The following MED12 variants were observed in gnomAD, a reference collection of about 807,000 sequenced individuals.
MED12 encodes the protein mediator of RNA polymerase II transcription subunit 12.
MED12 carries 10 observed loss-of-function variants against 177.7 expected under a neutral mutation model. The ratio of observed to expected loss-of-function variants is 0.06; its 90% confidence interval spans 0.03 to 0.10. The LOEUF is 0.10. Ranked by LOEUF, MED12 falls within the 10% of genes least tolerant of loss-of-function variation. The pLI is 1.00. For missense variants in MED12, 867 were observed against 1,780.8 expected, an observed-to-expected ratio of 0.49 and a Z score of 9.23; for synonymous variants, 641 against 678.4, an observed-to-expected ratio of 0.94 and a Z score of 0.86.
At chrX:71,141,814 G>C in intron 43 of MED12, 69 bp from the exon 44 acceptor site, 8 of 910,808 alleles carry the variant, frequency 8.8e-6, no homozygotes, top group Non-Finnish European at 1.3e-5. Context: ...AAAAAAAAAC[G>C]GATTGGGAAA....
In MED12 at chrX:71,131,629, G is replaced by A; in HGVS notation, c.4119+8G>A. The A allele has an allele frequency of 8.3e-7, 1 of 1,208,411 alleles. No individual in the cohort carries two copies. Among genetic ancestry groups the A allele is most frequent in the Non-Finnish European group, 1.1e-6 (1 of 892,597 alleles). ...AAGCAGACCCCTAACAATGTGAGTAGTGCCTGGACCCTCCCTTTCCTGTGC... is the reference window on the plus strand; with the variant it reads ...AAGCAGACCCCTAACAATGTGAGTAATGCCTGGACCCTCCCTTTCCTGTGC... On this transcript the variant is annotated splice_region_variant and intron_variant, in intron 29 of 44. Coordinates refer to ENST00000374080, the MANE Select transcript of MED12 (RefSeq NM_005120.3).
At chrX:71,119,340 A>T in intron 1 of MED12, 33 bp from the exon 2 acceptor site, 1 of 1,103,742 alleles carries the variant, frequency 9.1e-7, no homozygotes, top group Non-Finnish European at 1.2e-6. Flanking sequence ...TCCCCTAAGG[A>T]AAAAACAACT....
chrX:71,131,191 C>T (rs774172486), intron 28 of MED12, among the ~76,000 whole-genome samples: 8 of 95,152 alleles, frequency 8.4e-5, no homozygotes, highest in African/African-American at 2.9e-4. Flanking sequence ...TACAGTGGTG[C>T]GATCTCGGCT....
At position 71,137,659 on chromosome X, in the gene MED12, T is replaced by A. The variant is rs749802794; in HGVS notation, c.5826+24T>A. The A allele has an allele frequency of 1.1e-5, 13 of 1,202,336 alleles. No individual in the cohort carries two copies. The East Asian group carries it at 3.9e-4, about 36-fold the overall frequency. Reference sequence around the variant, plus strand: ...AGGTAAGAGCCTGGGATTGTGAGACTAGGGGGATGAGGCAAGCTGCTCTGC... The same window carrying A: ...AGGTAAGAGCCTGGGATTGTGAGACAAGGGGGATGAGGCAAGCTGCTCTGC... On this transcript the variant is annotated intron_variant, in intron 40 of 44. Transcript: ENST00000374080.
At position 71,121,642 on chromosome X, in the gene MED12, G is replaced by A. The variant is rs957824537; in HGVS notation, c.927G>A (p.Leu309=). 6 of 1,209,744 alleles carry A rather than the reference G, an allele frequency of 5.0e-6. No individual in the cohort carries two copies. In the African/African-American group the frequency reaches 8.8e-5, roughly 18 times the overall value. Residue 309 remains leucine (L), a synonymous_variant, in exon 7 of 45, where the codon CTG becomes CTA. Transcript: ENST00000374080. ...GTACACGGAGACTGGCCCTGCAGCT[G>A]GATGGTGTGAGCAGTCACTCATCTC... ...YFCTRRLALQ[L]DGVSSHSSHV...
At chrX:71,133,967 C>T (rs907246841) in intron 33 of MED12, among the ~76,000 whole-genome samples, 8 of 110,826 alleles carry the variant, frequency 7.2e-5, no homozygotes, top group Non-Finnish European at 1.5e-4. Context: ...CGGTGGCTCA[C>T]GCCTGTAATC....
intron 4 of MED12, 70 bp from the exon 5 acceptor site, chrX:71,120,901 C>T: frequency 1.7e-6 from 2 of 1,173,600 alleles, no homozygotes; most frequent in Non-Finnish European, 2.3e-6. Flanking sequence ...AGCCACCGCA[C>T]CCAGCCAGTA....
chrX:71,141,801 C>CAA (rs371432455), intron 43 of MED12, 82 bp from the exon 44 acceptor site: 8,633 of 759,580 alleles, frequency 0.011, no homozygotes, highest in Non-Finnish European at 0.014. Context: ...GACTCCATCT[C>CAA]AAAAAAAAAA....
chrX:71,135,276 G>A (rs1187378153), intron 36 of MED12, 23 bp downstream of exon 36: 1 of 1,211,425 alleles, frequency 8.3e-7, no homozygotes, highest in Non-Finnish European at 1.1e-6. Context: ...GTCTGCCCGT[G>A]TCCCTTGCCT....
At chrX:71,126,720 T>C (rs777718513) in intron 19 of MED12, among the ~76,000 whole-genome samples, 1 of 112,219 alleles carries the variant, frequency 8.9e-6, no homozygotes, top group East Asian at 2.8e-4. Flanking sequence ...ATCCTCCCAC[T>C]GTGGAGTTCA....
At chrX:71,124,670 G>T in intron 13 of MED12, 94 bp from the exon 14 acceptor site, 2 of 694,411 alleles carry the variant, frequency 2.9e-6, no homozygotes. Context: ...TCCCCAATCT[G>T]GTCTTCTCTC....
rs1166362416 is a variant in MED12, at chrX:71,140,724, C to T, written c.6134C>T (p.Thr2045Ile). 1 of 1,209,445 alleles carries T rather than the reference C, an allele frequency of 8.3e-7. No individual in the cohort carries two copies. Among genetic ancestry groups the T allele is most frequent in the South Asian group, 1.8e-5 (1 of 56,886 alleles). The stretch of plus-strand genomic sequence containing the variant: ...GGCGTCCAGGCAGGCGTCCGTTCAA[C>T]AGCCATCCTACCTGAGCAGCAGCAG... ...AQGVQAGVRS[T>I]AILPEQQQQQ... Residue 2045 changes from threonine (T) to isoleucine (I), a missense_variant, in exon 42 of 45, where the codon ACA becomes ATA. Physicochemically the swap from Thr to Ile is moderately conservative, Grantham distance 89. Around this residue, in one of 14 missense-constraint regions of MED12, gnomAD observed 236 missense variants for 345.2 expected, o/e 0.68. Transcript: ENST00000374080.
intron 33 of MED12, 67 bp downstream of exon 33, chrX:71,133,279 A>G (rs1358589106): frequency 1.3e-6 from 1 of 765,915 alleles, no homozygotes; most frequent in East Asian, 3.2e-5. Context: ...CAAAAGCCTC[A>G]GGTTGGGGAG....
chrX:71,138,492 A>G (rs1024637165), intron 41 of MED12, among the ~76,000 whole-genome samples: 6 of 110,004 alleles, frequency 5.5e-5, no homozygotes, highest in Admixed American at 9.7e-5. Context: ...ACGCCCAGCT[A>G]ATTTTTTGGA....
chrX:71,141,093 G>C, intron 42 of MED12, 137 bp from the exon 43 acceptor site: 2 of 1,103,360 alleles, frequency 1.8e-6, no homozygotes, highest in Non-Finnish European at 2.4e-6. Flanking sequence ...GTTTCTTTCT[G>C]TGCAGCTGTC....
chrX:71,124,235 T>A lies in MED12; in HGVS notation c.1821T>A (p.Asp607Glu), dbSNP rs375897167. The part of the protein sequence containing the change: ...VLLFCELIRH[D>E]VFSHNMYTCT... Reference sequence around the variant, plus strand: ...TGTTCTGTGAACTGATTCGACATGATGTTTTCTCCCACAACATGTATACTT... The same window carrying A: ...TGTTCTGTGAACTGATTCGACATGAAGTTTTCTCCCACAACATGTATACTT... The change falls in exon 13 of 45, where the codon GAT becomes GAA. Residue 607 changes from aspartate (D) to glutamate (E), a missense_variant. By Grantham distance (45) the Asp-to-Glu change is conservative. This residue lies in a region of MED12 where 309 missense variants were observed against 556.3 expected (regional missense o/e 0.56). Coordinates refer to ENST00000374080, the MANE Select transcript of MED12 (RefSeq NM_005120.3). The A allele has an allele frequency of 7.8e-5, 95 of 1,211,453 alleles. No individual in the cohort carries two copies. Among genetic ancestry groups the A allele is most frequent in the Non-Finnish European group, 1.1e-4 (94 of 895,192 alleles).
intron 2 of MED12, 91 bp downstream of exon 2, chrX:71,119,568 T>A (rs2092284416): frequency 1.9e-6 from 2 of 1,080,708 alleles, no homozygotes; most frequent in Non-Finnish European, 2.5e-6. Flanking sequence ...AGGGACAACC[T>A]AAGTGGCTGA....
At position 71,142,266 on chromosome X, in the gene MED12, C is replaced by T. The variant is rs1569482881; in HGVS notation, c.*48C>T. Reference sequence around the variant, plus strand: ...GCACTGGATGTGGCCCCACCCTTTCCTCTTAATTCCCAATCCCATTCCTGG... The same window carrying T: ...GCACTGGATGTGGCCCCACCCTTTCTTCTTAATTCCCAATCCCATTCCTGG... On this transcript the variant is annotated 3_prime_UTR_variant, in exon 45 of 45. Coordinates refer to ENST00000374080, the MANE Select transcript of MED12 (RefSeq NM_005120.3). 4.3e-6 allele frequency: 5 copies of T among 1,160,976 alleles called. No individual in the cohort carries two copies. The highest frequency in any genetic ancestry group is 5.9e-6 in the Non-Finnish European group (5 of 849,078).
At position 71,136,634 on chromosome X, in the gene MED12, C is replaced by T. The variant is rs2147827104; in HGVS notation, c.5379C>T (p.Ser1793=). The change falls in exon 37 of 45, where the codon AGC becomes AGT. Residue 1793 remains serine (S), a synonymous_variant. Transcript: ENST00000374080. ...KKKSTKGKKR[S]QPATKTEDYG... is the part of the protein sequence containing the mutation. ...AGTCCACCAAGGGCAAGAAACGCAG[C>T]CAGCCAGCTACCAAGACAGAGGTGA... 1 of 1,208,591 alleles carries T rather than the reference C, an allele frequency of 8.3e-7. No homozygotes were observed. The highest frequency in any genetic ancestry group is 1.1e-6 in the Non-Finnish European group (1 of 894,778).
Sources: gnomAD v4.1 joint callset for allele counts (sites outside exome capture counted in the v4.1 genomes callset) on GRCh38, gnomAD v4.1.1 for gene constraint, gnomAD v4.1.1 regional missense constraint, MANE v1.5 for transcripts, NCBI Gene and HGNC (gene_info 2026-07-23, HGNC 2026-07-21) for gene names.